The following TSPAN9 variants were observed in gnomAD, a reference collection of about 807,000 sequenced individuals.
The protein encoded by TSPAN9 is tetraspanin 9.
TSPAN9 carries 16 observed loss-of-function variants against 31.0 expected under a neutral mutation model. That is an observed-to-expected ratio of 0.52 (90% CI 0.35 to 0.78). The LOEUF (loss-of-function observed/expected upper bound fraction) is 0.78. TSPAN9 is among the 30% of genes least tolerant of loss of function. The pLI is 0.01. For missense variants in TSPAN9, 272 were observed against 312.5 expected, an observed-to-expected ratio of 0.87 and a Z score of 0.98; for synonymous variants, 145 against 121.6, an observed-to-expected ratio of 1.19 and a Z score of -1.27.
intron 2 of TSPAN9, among the ~76,000 whole-genome samples, chr12:3,120,779 C>T (rs767758135): frequency 8.5e-5 from 13 of 152,238 alleles, no homozygotes; most frequent in African/African-American, 1.2e-4. Context: ...TTGACCAAGC[C>T]CCCATCACCT....
intron 2 of TSPAN9, among the ~76,000 whole-genome samples, chr12:3,111,801 A>G (rs11062505): frequency 0.42 from 64,428 of 151,772 alleles, 14,927 homozygotes; most frequent in African/African-American, 0.62. Flanking sequence ...TAGTAGAGAC[A>G]GGGTTTCATC....
At chr12:3,167,452 A>G (rs940204420) in intron 2 of TSPAN9, among the ~76,000 whole-genome samples, 1 of 152,204 alleles carries the variant, frequency 6.6e-6, no homozygotes, top group Non-Finnish European at 1.5e-5. Context: ...AAAAACTGTG[A>G]GCCCCTGGAG....
chr12:3,258,148 A>G (rs901873926), intron 3 of TSPAN9, among the ~76,000 whole-genome samples: 5 of 152,168 alleles, frequency 3.3e-5, no homozygotes, highest in East Asian at 1.9e-4. Context: ...GTGAAAAGCA[A>G]TTGCAGGAAG....
chr12:3,127,689 A>G (rs1320138658), intron 2 of TSPAN9, among the ~76,000 whole-genome samples: 1 of 152,214 alleles, frequency 6.6e-6, no homozygotes, highest in African/African-American at 2.4e-5. Context: ...CATATACTCT[A>G]AAATAATGGT....
chr12:3,145,269 A>G (rs1008241341), intron 2 of TSPAN9, among the ~76,000 whole-genome samples: 4 of 152,192 alleles, frequency 2.6e-5, no homozygotes, highest in African/African-American at 9.6e-5. Flanking sequence ...GTGCCAGCTC[A>G]AGGCTCTCTC....
chr12:3,269,923 C>G (rs1233154217), intron 3 of TSPAN9, among the ~76,000 whole-genome samples: 1 of 152,232 alleles, frequency 6.6e-6, no homozygotes, highest in Non-Finnish European at 1.5e-5. Context: ...CACAGCCTGT[C>G]CTGGTAGGGC....
chr12:3,106,418 TAAA>T, intron 2 of TSPAN9, among the ~76,000 whole-genome samples: 1 of 152,160 alleles, frequency 6.6e-6, no homozygotes, highest in African/African-American at 2.4e-5. Context: ...ATTATGCCTG[TAAA>T]ATGTAAAGTT....
intron 2 of TSPAN9, among the ~76,000 whole-genome samples, chr12:3,131,644 A>G (rs76672046): frequency 0.044 from 6,711 of 152,150 alleles, 471 homozygotes; most frequent in African/African-American, 0.15. Flanking sequence ...GGGAGGTTCC[A>G]TACTCTGGGA....
At chr12:3,278,907 C>T (rs1269454418) in intron 4 of TSPAN9, 85 bp from the exon 5 acceptor site, 23 of 1,435,500 alleles carry the variant, frequency 1.6e-5, no homozygotes, top group South Asian at 5.9e-5. Flanking sequence ...CCCACCTAGG[C>T]GCCGCCTGTC....
intron 3 of TSPAN9, among the ~76,000 whole-genome samples, chr12:3,203,142 C>T (rs2098372947): frequency 6.6e-6 from 1 of 152,146 alleles, no homozygotes; most frequent in South Asian, 2.1e-4. Context: ...GCGCTCACTC[C>T]TCCCCACCCC....
At chr12:3,128,213 T>C (rs2098328215) in intron 2 of TSPAN9, among the ~76,000 whole-genome samples, 1 of 152,148 alleles carries the variant, frequency 6.6e-6, no homozygotes, top group Non-Finnish European at 1.5e-5. Context: ...TTGTTTGGGG[T>C]GGCAGACTGA....
chr12:3,118,256 G>GTTTTTTTTTTTTTCT (rs2098323385), intron 2 of TSPAN9, among the ~76,000 whole-genome samples: 1 of 31,582 alleles, frequency 3.2e-5, no homozygotes, highest in Non-Finnish European at 6.4e-5. Flanking sequence ...TGCACCCGCC[G>GTTTTTTTTTTTTTCT]TTTTTTTTTT....
In TSPAN9 at chr12:3,192,093, T is replaced by TA. The variant is rs1428804943; in HGVS notation, c.-17-9082dup. Among the ~76,000 whole-genome samples the TA allele has an allele frequency of 2.6e-5, 4 of 151,220 alleles. No homozygotes were observed. The highest frequency in any genetic ancestry group is 5.9e-5 in the Non-Finnish European group (4 of 67,840). On this transcript the variant is annotated intron_variant, in intron 2 of 8. Coordinates refer to ENST00000011898, the MANE Select transcript of TSPAN9 (RefSeq NM_006675.5). The surrounding 1 kb of genome is among the most constrained non-coding windows in gnomAD (Gnocchi z 4.6). ...CACCGAGAGTTCACGGCTGTGGCAA[T>TA]AATGGGTGAGCAGAGAATGTTGGAC... is the stretch of plus-strand genomic sequence containing the variant.
intron 3 of TSPAN9, among the ~76,000 whole-genome samples, chr12:3,269,271 T>C (rs1354823011): frequency 2.9e-5 from 1 of 34,142 alleles, no homozygotes; most frequent in African/African-American, 1.0e-4. Context: ...GCCTGCCCTG[T>C]GTTCCTGCAG....
chr12:3,246,706 G>A (rs936321983), intron 3 of TSPAN9, among the ~76,000 whole-genome samples: 1 of 152,160 alleles, frequency 6.6e-6, no homozygotes, highest in South Asian at 2.1e-4. Context: ...TTGGGGTAGG[G>A]CAGAGCAAAA....
chr12:3,078,537 G>A (rs1322901225), intron 1 of TSPAN9, among the ~76,000 whole-genome samples: 1 of 152,154 alleles, frequency 6.6e-6, no homozygotes, highest in Non-Finnish European at 1.5e-5. Context: ...GGGGAGGAGA[G>A]GGATTATGGA....
intron 2 of TSPAN9, among the ~76,000 whole-genome samples, chr12:3,176,313 A>G (rs1176847226): frequency 6.6e-6 from 1 of 152,208 alleles, no homozygotes; most frequent in Non-Finnish European, 1.5e-5. Flanking sequence ...TGGGGAAGGA[A>G]GAGCCTTCAT....
chr12:3,266,465 C>G (rs535772120), intron 3 of TSPAN9, among the ~76,000 whole-genome samples: 6 of 152,180 alleles, frequency 3.9e-5, no homozygotes, highest in African/African-American at 1.4e-4. Context: ...GGGCCGTGGG[C>G]ACTGGGAGCA....
chr12:3,152,184 C>A (rs1326748001), intron 2 of TSPAN9, among the ~76,000 whole-genome samples: 1 of 152,196 alleles, frequency 6.6e-6, no homozygotes. Flanking sequence ...CCAAGGCACC[C>A]CCCTCTGTCA....
Sources: gnomAD v4.1 joint callset for allele counts (sites outside exome capture counted in the v4.1 genomes callset) on GRCh38, gnomAD v4.1.1 for gene constraint, Gnocchi (gnomAD v3.1) non-coding constraint, MANE v1.5 for transcripts, NCBI Gene and HGNC (gene_info 2026-07-23, HGNC 2026-07-21) for gene names.